Variants in MYO9A observed in about 807,000 individuals in gnomAD.
MYO9A encodes unconventional myosin-IXa.
MYO9A carries 103 observed loss-of-function variants against 293.3 expected under a neutral mutation model. The ratio of observed to expected loss-of-function variants is 0.35; its 90% CI spans 0.30 to 0.41. The LOEUF (loss-of-function observed/expected upper bound fraction) is 0.41. MYO9A is among the 10% of genes least tolerant of loss of function. The probability of loss-of-function intolerance (pLI) is 1.00; values close to 1 mark genes in which losing one functional copy is unlikely to be tolerated. For synonymous variants in MYO9A, 1,001 were observed against 1,035.7 expected (o/e 0.97, Z 0.64); for missense variants, 2,685 against 3,033.0 (o/e 0.89, Z 2.69).
chr15:72,066,476 C>T (rs563584564), intron 1 of MYO9A, among the ~76,000 whole-genome samples: 1 of 131,590 alleles, frequency 7.6e-6, no homozygotes, highest in Admixed American at 8.2e-5. Flanking sequence ...CAGAGTGAGA[C>T]TTGGTCTCAA....
rs1347757257 is a variant in MYO9A at position 71,825,985 on chromosome 15, GTTTTTTTTTGTTTTTTTTTTTTTGTTT to G, written c.*568_*594del. 3.4e-5 allele frequency: 4 copies of G among 117,726 alleles called. No homozygotes were observed. The highest frequency in any genetic ancestry group is 3.0e-4 in the South Asian group (1 of 3,370). The allele number at this position is 117,726 out of a possible 1,614,324, so 7.3% of individuals were successfully genotyped here. A position where few individuals can be genotyped will look rare whatever the true frequency, so the allele number is the denominator to read the frequency against. On this transcript the variant is annotated 3_prime_UTR_variant, in exon 42 of 42. Coordinates refer to ENST00000356056, the MANE Select transcript of MYO9A (RefSeq NM_006901.4). Reference sequence around the variant, plus strand: ...TGATGGCTTAATGGAAACAATCACGGTTTTTTTTTGTTTTTTTTTTTTTGTTTTTTTTTTTTGTTTTTGCTTTCCCCA... The same window carrying G: ...TGATGGCTTAATGGAAACAATCACGGTTTTTTTTTGTTTTTGCTTTCCCCA...
intron 4 of MYO9A, among the ~76,000 whole-genome samples, chr15:72,021,884 T>C (rs746358728): frequency 2.1e-4 from 32 of 152,088 alleles, no homozygotes; most frequent in Non-Finnish European, 2.8e-4. Flanking sequence ...TGGTTAACTT[T>C]GAAACCCTGC....
intron 12 of MYO9A, among the ~76,000 whole-genome samples, chr15:71,974,441 G>T (rs573056024): frequency 6.6e-6 from 1 of 152,150 alleles, no homozygotes; most frequent in Non-Finnish European, 1.5e-5. Context: ...GAAGGTGCTG[G>T]TATGACTATC....
chr15:71,991,964 G>A (rs909171766), intron 10 of MYO9A, among the ~76,000 whole-genome samples: 4 of 152,036 alleles, frequency 2.6e-5, no homozygotes, highest in Non-Finnish European at 5.9e-5. Flanking sequence ...CACGTTGGCC[G>A]GTCTGGTATC....
intron 13 of MYO9A, among the ~76,000 whole-genome samples, chr15:71,967,765 C>T (rs1479050536): frequency 1.3e-5 from 2 of 152,174 alleles, no homozygotes; most frequent in African/African-American, 4.8e-5. Flanking sequence ...CAACTGACAA[C>T]ATCAGGTTTA....
In MYO9A at chr15:71,899,814, T is replaced by G. The variant is rs770885661; in HGVS notation, c.3343A>C (p.Arg1115=). 6.2e-7 allele frequency: 1 copy of G among 1,614,186 alleles called. No individual in the cohort carries two copies. Among genetic ancestry groups the G allele is most frequent in the Admixed American group, 1.7e-5 (1 of 60,004 alleles). ...QQKWRDYYRR[R]HMAAICIQAR... ...TGTATGCAAATAGCAGCCATGTGCC[T>G]GCGCCTATAGTAATCTCTCCATTTC... is the stretch of plus-strand genomic sequence containing the variant. The change falls in exon 24 of 42, where the codon AGG becomes CGG. Residue 1115 remains arginine, a synonymous_variant. Transcript: ENST00000356056.
At chr15:72,019,133 T>A in intron 5 of MYO9A, 38 bp from the exon 6 acceptor site, 1 of 1,507,664 alleles carries the variant, frequency 6.6e-7, no homozygotes, top group South Asian at 1.1e-5. Flanking sequence ...GAAGTAATGG[T>A]TATTATACTC....
intron 1 of MYO9A, among the ~76,000 whole-genome samples, chr15:72,073,963 A>C (rs2079269458): frequency 6.6e-6 from 1 of 152,180 alleles, no homozygotes; most frequent in Non-Finnish European, 1.5e-5. Flanking sequence ...AAAGGGCCAG[A>C]CTGTAAGTAT....
chr15:72,055,010 A>T (rs1413717759), intron 1 of MYO9A, among the ~76,000 whole-genome samples: 1 of 152,224 alleles, frequency 6.6e-6, no homozygotes, highest in East Asian at 1.9e-4. Flanking sequence ...CATTACTAGA[A>T]AGAATATAAA....
intron 6 of MYO9A, among the ~76,000 whole-genome samples, chr15:72,014,177 ATTGGCTC>A (rs1186962808): frequency 1.3e-5 from 2 of 152,232 alleles, no homozygotes; most frequent in Admixed American, 6.5e-5. Context: ...AGCAAGCAGC[ATTGGCTC>A]ACAATTTAAG....
chr15:72,031,097 G>T (rs1268259652), intron 3 of MYO9A, among the ~76,000 whole-genome samples: 1 of 152,140 alleles, frequency 6.6e-6, no homozygotes, highest in Non-Finnish European at 1.5e-5. Flanking sequence ...AGAATTTAAT[G>T]ATATATGTAA....
intron 14 of MYO9A, among the ~76,000 whole-genome samples, chr15:71,956,330 A>AAAATATATATATATAT (rs10642655): frequency 2.2e-4 from 17 of 75,556 alleles, no homozygotes; most frequent in African/African-American, 1.0e-3. Context: ...AAAAAAAAAA[A>AAAATATATATATATAT]ATATATATAT....
chr15:71,902,860 TAAAC>T, intron 22 of MYO9A, 77 bp downstream of exon 22: 3 of 1,149,368 alleles, frequency 2.6e-6, no homozygotes, highest in Non-Finnish European at 2.3e-6. Context: ...ATCTTTTTAA[TAAAC>T]AATCTCATAG....
intron 28 of MYO9A, among the ~76,000 whole-genome samples, chr15:71,881,011 A>AATT: frequency 6.6e-6 from 1 of 152,190 alleles, no homozygotes; most frequent in South Asian, 2.1e-4. Context: ...GGAGTTTGAT[A>AATT]ATTATTATTA....
At chr15:71,928,027 A>AATATATATAT in intron 18 of MYO9A, among the ~76,000 whole-genome samples, 172 of 10,730 alleles carry the variant, frequency 0.016, 17 homozygotes, top group African/African-American at 0.025. Flanking sequence ...ATACCTTTCT[A>AATATATATAT]ATATATATAT....
At chr15:71,939,582 AT>A (rs2058721584) in intron 15 of MYO9A, among the ~76,000 whole-genome samples, 1 of 152,276 alleles carries the variant, frequency 6.6e-6, no homozygotes, top group South Asian at 2.1e-4. Context: ...TTGATGCATC[AT>A]TTTTTAGCCA....
chr15:71,893,737 T>C lies in MYO9A; in HGVS notation c.5084A>G (p.His1695Arg), dbSNP rs377653424. The change falls in exon 26 of 42, where the codon CAT (histidine) becomes CGT (arginine). Residue 1695 changes from histidine (H) to arginine (R), a missense_variant. His to Arg is a conservative substitution (Grantham distance 29). Around this residue, in one of 10 missense-constraint regions of MYO9A, gnomAD observed 1,434 missense variants for 1,497.7 expected, o/e 0.96. Coordinates refer to ENST00000356056, the MANE Select transcript of MYO9A (RefSeq NM_006901.4). The part of the protein sequence containing the change: ...EALNSKNPQL[H>R]KEDEPAWKPV... ...TTTCCATGCTGGTTCATCTTCTTTA[T>C]GGAGTTGAGGATTTTTACTGTTTAA... 5.0e-6 allele frequency: 8 copies of C among 1,613,912 alleles called. No individual in the cohort carries two copies. Among genetic ancestry groups the C allele is most frequent in the Middle Eastern group, 1.6e-4 (1 of 6,082 alleles).
chr15:71,938,000 A>G (rs1431834566), intron 16 of MYO9A, among the ~76,000 whole-genome samples: 3 of 152,190 alleles, frequency 2.0e-5, no homozygotes, highest in Non-Finnish European at 4.4e-5. Flanking sequence ...AAGATAGCAA[A>G]TAGCTTAATT....
chr15:71,943,725 C>G (rs2058838161), intron 15 of MYO9A, among the ~76,000 whole-genome samples: 1 of 152,082 alleles, frequency 6.6e-6, no homozygotes, highest in Non-Finnish European at 1.5e-5. Context: ...CAATCACTAA[C>G]TTGCTCTCCA....
Sources: gnomAD v4.1 joint callset for allele counts (sites outside exome capture counted in the v4.1 genomes callset) on GRCh38, gnomAD v4.1.1 for gene constraint, gnomAD v4.1.1 regional missense constraint, MANE v1.5 for transcripts, NCBI Gene and HGNC (gene_info 2026-07-23, HGNC 2026-07-21) for gene names.